ANKS1B: variants seen among roughly 807,000 people sequenced by gnomAD.
ANKS1B encodes the protein ankyrin repeat and sterile alpha motif domain containing 1B, also known as ankyrin repeat and sterile alpha motif domain-containing protein 1B.
Under a neutral mutation model 148.3 loss-of-function variants are expected in ANKS1B, and 36 were observed. The observed-to-expected ratio is 0.24, with a 90% CI of 0.19 to 0.32. ANKS1B has a LOEUF of 0.32. ANKS1B is among the 10% of genes least tolerant of loss of function. The pLI is 1.00. For synonymous variants in ANKS1B, 542 were observed against 560.8 expected (o/e 0.97, Z 0.47); for missense variants, 1,157 against 1,542.6 (o/e 0.75, Z 4.19).
chr12:98,797,177 A>C (rs1052970231), intron 22 of ANKS1B, among the ~76,000 whole-genome samples: 3 of 152,228 alleles, frequency 2.0e-5, no homozygotes, highest in African/African-American at 7.2e-5. Context: ...TTTAGAATAC[A>C]AGATTTCCAG....
chr12:99,461,482 A>C (rs2095968698), intron 10 of ANKS1B, among the ~76,000 whole-genome samples: 1 of 152,196 alleles, frequency 6.6e-6, no homozygotes, highest in South Asian at 2.1e-4. Flanking sequence ...AAAATATCAC[A>C]GTAGTTGGAG....
chr12:99,350,728 GT>G (rs1229018615), intron 12 of ANKS1B, among the ~76,000 whole-genome samples: 1 of 152,058 alleles, frequency 6.6e-6, no homozygotes, highest in African/African-American at 2.4e-5. Flanking sequence ...ATCAACTGAT[GT>G]TTAATATTAA....
chr12:99,664,822 A>G (rs2098497928), intron 8 of ANKS1B, among the ~76,000 whole-genome samples: 1 of 152,212 alleles, frequency 6.6e-6, no homozygotes, highest in African/African-American at 2.4e-5. Context: ...ACATCTGTTT[A>G]AAATTTTCTG....
At chr12:99,309,820 C>T (rs1355785458) in intron 12 of ANKS1B, among the ~76,000 whole-genome samples, 1 of 152,088 alleles carries the variant, frequency 6.6e-6, no homozygotes, top group Non-Finnish European at 1.5e-5. Context: ...CTAAGCAGTA[C>T]TACAAACAGC....
intron 10 of ANKS1B, among the ~76,000 whole-genome samples, chr12:99,481,817 T>A (rs548591944): frequency 6.6e-6 from 1 of 152,208 alleles, no homozygotes; most frequent in East Asian, 1.9e-4. Flanking sequence ...TATTTGTATA[T>A]CTCCTTTTGA....
intron 1 of ANKS1B, among the ~76,000 whole-genome samples, chr12:99,909,435 T>C (rs2093921021): frequency 6.6e-6 from 1 of 152,178 alleles, no homozygotes. Flanking sequence ...TGCTGAGTTA[T>C]ATTGTAGTCT....
intron 14 of ANKS1B, among the ~76,000 whole-genome samples, chr12:99,191,898 C>G (rs571051864): frequency 4.6e-5 from 7 of 152,098 alleles, no homozygotes; most frequent in Non-Finnish European, 5.9e-5. Context: ...CTTTGGGAGG[C>G]CAAGGCGGGC....
At chr12:98,966,920 A>G (rs1424683596) in intron 17 of ANKS1B, among the ~76,000 whole-genome samples, 4 of 151,824 alleles carry the variant, frequency 2.6e-5, no homozygotes, top group African/African-American at 7.3e-5. Flanking sequence ...GGATAACAGT[A>G]GGAGATATAC....
At chr12:99,058,856 G>A (rs1233067868) in intron 16 of ANKS1B, among the ~76,000 whole-genome samples, 2 of 148,146 alleles carry the variant, frequency 1.4e-5, no homozygotes, top group African/African-American at 2.5e-5. Flanking sequence ...TCCTGCCTCA[G>A]CCTCCCGAGT....
At chr12:98,748,644 C>T (rs2097967903) in intron 26 of ANKS1B, among the ~76,000 whole-genome samples, 1 of 152,208 alleles carries the variant, frequency 6.6e-6, no homozygotes, top group Non-Finnish European at 1.5e-5. Context: ...CTGAATATTT[C>T]TTACCAAGAA....
At position 99,599,729 on chromosome 12, in the gene ANKS1B, T is replaced by A. The variant is rs1156999368; in HGVS notation, c.1272+55338A>T. 6.6e-5 allele frequency among the ~76,000 whole-genome samples: 10 copies of A among 152,078 alleles called. No individual in the cohort carries two copies. In the East Asian group the frequency reaches 1.9e-3, roughly 29 times the overall value. On this transcript the variant is annotated intron_variant, in intron 9 of 26. Coordinates refer to ENST00000683438, the MANE Select transcript of ANKS1B (RefSeq NM_001352186.2). The stretch of plus-strand genomic sequence containing the variant: ...AGTGGGGATAACTGTGAATAGGAAA[T>A]ACCATAGGAGGTACTAAAGGCAAGG...
At chr12:98,826,436 C>T (rs1279105311) in intron 19 of ANKS1B, among the ~76,000 whole-genome samples, 3 of 152,036 alleles carry the variant, frequency 2.0e-5, no homozygotes, top group Non-Finnish European at 4.4e-5. Context: ...CCAAGTTAAG[C>T]AAAGCACCTC....
chr12:99,880,233 C>T lies in ANKS1B; in HGVS notation c.135-54844G>A, dbSNP rs2153736112. On this transcript the variant is annotated intron_variant, in intron 1 of 26. Transcript: ENST00000683438. ...GCACTAAGCGCCTTACAGATATTAA[C>T]TTACTGAATCCTGAAAACAATACTA... Among the ~76,000 whole-genome samples the T allele has an allele frequency of 2.6e-5, 4 of 152,264 alleles. No individual in the cohort carries two copies. In the Middle Eastern group the frequency reaches 0.01, roughly 388 times the overall value.
intron 9 of ANKS1B, among the ~76,000 whole-genome samples, chr12:99,527,467 T>G (rs542581381): frequency 2.4e-4 from 37 of 152,182 alleles, no homozygotes; most frequent in Non-Finnish European, 5.0e-4. Flanking sequence ...CTGCACAAAG[T>G]CCACCTGGAT....
chr12:99,072,351 T>C (rs1291198262), intron 16 of ANKS1B, among the ~76,000 whole-genome samples: 2 of 152,124 alleles, frequency 1.3e-5, no homozygotes, highest in Admixed American at 1.3e-4. Flanking sequence ...AAACTTCATA[T>C]GCATTTTTGT....
intron 8 of ANKS1B, among the ~76,000 whole-genome samples, chr12:99,768,070 C>G (rs943984813): frequency 6.6e-6 from 1 of 152,002 alleles, no homozygotes; most frequent in Non-Finnish European, 1.5e-5. Context: ...AAAATACTTC[C>G]AAAACTCAAG....
At chr12:99,284,915 T>C (rs1022932138) in intron 12 of ANKS1B, among the ~76,000 whole-genome samples, 6 of 152,208 alleles carry the variant, frequency 3.9e-5, no homozygotes, top group South Asian at 4.1e-4. Context: ...TGTATGTTTG[T>C]ACATATCTAT....
chr12:99,907,297 C>A (rs565805433), intron 1 of ANKS1B, among the ~76,000 whole-genome samples: 1 of 152,296 alleles, frequency 6.6e-6, no homozygotes, highest in East Asian at 1.9e-4. Context: ...CACTCCCCAG[C>A]GTGCGCCCCT....
intron 9 of ANKS1B, among the ~76,000 whole-genome samples, chr12:99,609,476 C>T (rs890281831): frequency 2.0e-5 from 3 of 151,586 alleles, no homozygotes; most frequent in Non-Finnish European, 4.4e-5. Context: ...AACGAAAGAC[C>T]TTTGCTACCA....
Sources: gnomAD v4.1 joint callset for allele counts (sites outside exome capture counted in the v4.1 genomes callset) on GRCh38, gnomAD v4.1.1 for gene constraint, MANE v1.5 for transcripts, NCBI Gene and HGNC (gene_info 2026-07-23, HGNC 2026-07-21) for gene names.